The following NAALADL2 variants were observed in gnomAD, a reference collection of about 807,000 sequenced individuals.
The protein encoded by NAALADL2 is N-acetylated alpha-linked acidic dipeptidase like 2.
A neutral mutation model predicts 87.2 loss-of-function variants in NAALADL2; 76 were observed. The ratio of observed to expected loss-of-function variants is 0.87; its 90% CI spans 0.72 to 1.05. The LOEUF is 1.05. NAALADL2 is among the 50% of genes least tolerant of loss of function. The probability of loss-of-function intolerance (pLI) is 0.00; values close to 1 mark genes in which losing one functional copy is unlikely to be tolerated. For missense variants in NAALADL2, 1,089 were observed against 945.8 expected (o/e 1.15, Z -1.99); for synonymous variants, 354 against 331.0 (o/e 1.07, Z -0.75).
At chr3:174,710,309 C>T (rs1217186991) in intron 2 of NAALADL2, among the ~76,000 whole-genome samples, 1 of 147,764 alleles carries the variant, frequency 6.8e-6, no homozygotes, top group African/African-American at 2.5e-5. Flanking sequence ...GGCTGGAATG[C>T]AGTGGCGCGA....
rs562355062 is a variant in NAALADL2, at chr3:174,619,193, A to G, written c.-115+68556A>G. Reference sequence around the variant, plus strand: ...TTCTACTCTCTTGTTACAGATGTTTAGTGAAATTGTGTAAATTTAAAAATC... The same window carrying G: ...TTCTACTCTCTTGTTACAGATGTTTGGTGAAATTGTGTAAATTTAAAAATC... On this transcript the variant is annotated intron_variant, in intron 2 of 3. Coordinates refer to the NAALADL2 transcript ENST00000434257. Among the ~76,000 whole-genome samples the G allele has an allele frequency of 9.2e-5, 14 of 152,096 alleles. No individual in the cohort carries two copies. In the East Asian group the frequency reaches 2.5e-3, roughly 27 times the overall value.
chr3:175,000,984 G>A lies in NAALADL2; in HGVS notation c.44-95806G>A, dbSNP rs190934117. On this transcript the variant is annotated intron_variant, in intron 1 of 13. Coordinates refer to ENST00000454872, the MANE Select transcript of NAALADL2 (RefSeq NM_207015.3). ...TGACCTTTAAAACACTGCGGCATGC[G>A]CAGAAAACTCCAGTCCCATTTATGG... Among the ~76,000 whole-genome samples, 82 of 152,248 alleles carry A rather than the reference G, an allele frequency of 5.4e-4. No individual in the cohort carries two copies. The East Asian group carries it at 8.7e-3, about 16-fold the overall frequency.
chr3:175,237,102 T>A (rs992547777), intron 3 of NAALADL2, among the ~76,000 whole-genome samples: 7 of 152,096 alleles, frequency 4.6e-5, no homozygotes, highest in Non-Finnish European at 1.0e-4. Flanking sequence ...GTAATATTAC[T>A]AATATGTAGA....
intron 12 of NAALADL2, among the ~76,000 whole-genome samples, chr3:175,743,703 G>C (rs1745556883): frequency 6.6e-6 from 1 of 152,180 alleles, no homozygotes; most frequent in African/African-American, 2.4e-5. Context: ...GTCATAGTGA[G>C]ATCGAAGAAT....
chr3:174,907,279 GAAA>G (rs1378159243), intron 1 of NAALADL2, among the ~76,000 whole-genome samples: 3 of 151,654 alleles, frequency 2.0e-5, no homozygotes, highest in African/African-American at 7.3e-5. Context: ...AAAAGAAGAA[GAAA>G]AAAAAGATAC....
chr3:174,463,806 T>C (rs1716358327), intron 1 of NAALADL2, among the ~76,000 whole-genome samples: 2 of 152,212 alleles, frequency 1.3e-5, no homozygotes, highest in Admixed American at 1.3e-4. Flanking sequence ...TTCACCGTGT[T>C]AGCCAGGATG....
intron 3 of NAALADL2, among the ~76,000 whole-genome samples, chr3:174,761,775 A>T (rs1472235584): frequency 3.2e-5 from 3 of 93,116 alleles, no homozygotes; most frequent in Non-Finnish European, 6.4e-5. Context: ...CCACCCCACG[A>T]CAGTCCCTGG....
intron 11 of NAALADL2, among the ~76,000 whole-genome samples, chr3:175,654,512 C>T (rs1309611144): frequency 6.6e-6 from 1 of 152,182 alleles, no homozygotes; most frequent in Non-Finnish European, 1.5e-5. Context: ...ATTGACTTTG[C>T]TTTATCTCAA....
intron 11 of NAALADL2, among the ~76,000 whole-genome samples, chr3:175,730,449 CAT>C (rs1743583424): frequency 4.7e-5 from 6 of 126,518 alleles, no homozygotes; most frequent in African/African-American, 1.1e-4. Context: ...TATATACACA[CAT>C]ACACACGCAC....
intron 1 of NAALADL2, among the ~76,000 whole-genome samples, chr3:175,082,716 A>G (rs1718123669): frequency 6.6e-6 from 1 of 152,224 alleles, no homozygotes; most frequent in Non-Finnish European, 1.5e-5. Context: ...TTCATGCTTT[A>G]GGAGCTATTT....
chr3:175,045,256 T>G (rs1199256254), intron 1 of NAALADL2, among the ~76,000 whole-genome samples: 1 of 152,182 alleles, frequency 6.6e-6, no homozygotes, highest in Non-Finnish European at 1.5e-5. Context: ...CCGTGGACAC[T>G]CCACCCGAAG....
intron 2 of NAALADL2, among the ~76,000 whole-genome samples, chr3:175,208,328 T>G (rs1022596938): frequency 5.3e-5 from 8 of 152,178 alleles, no homozygotes; most frequent in African/African-American, 1.9e-4. Context: ...AAACCTATCT[T>G]GCTTTGCTAG....
chr3:175,638,763 G>GA (rs1418771038), intron 11 of NAALADL2, among the ~76,000 whole-genome samples: 2 of 152,002 alleles, frequency 1.3e-5, no homozygotes, highest in East Asian at 3.9e-4. Flanking sequence ...ACATCATTTG[G>GA]AAAATCTGAA....
At chr3:175,602,014 A>G (rs1031094307) in intron 10 of NAALADL2, among the ~76,000 whole-genome samples, 3 of 152,156 alleles carry the variant, frequency 2.0e-5, no homozygotes, top group African/African-American at 7.2e-5. Flanking sequence ...TGGGCTTTAG[A>G]TAGGTATTAA....
At chr3:175,748,751 G>T (rs1379042621) in intron 12 of NAALADL2, among the ~76,000 whole-genome samples, 3 of 152,040 alleles carry the variant, frequency 2.0e-5, no homozygotes, top group Non-Finnish European at 2.9e-5. Flanking sequence ...TTTAAAACTT[G>T]TTGGAGTAGG....
intron 1 of NAALADL2, among the ~76,000 whole-genome samples, chr3:174,544,567 CTTTTTTT>C (rs10575227): frequency 8.7e-6 from 1 of 115,168 alleles, no homozygotes; most frequent in Non-Finnish European, 1.7e-5. Flanking sequence ...TTTTTGTTTT[CTTTTTTT>C]TTTTTTTTTT....
intron 3 of NAALADL2, among the ~76,000 whole-genome samples, chr3:174,817,935 C>G (rs1365839747): frequency 1.3e-5 from 2 of 152,174 alleles, no homozygotes; most frequent in African/African-American, 2.4e-5. Flanking sequence ...GTAATAAACA[C>G]AGCCCATATA....
intron 2 of NAALADL2, among the ~76,000 whole-genome samples, chr3:174,667,450 T>G (rs615935): frequency 0.64 from 97,228 of 151,756 alleles, 31,798 homozygotes; most frequent in Admixed American, 0.72. Context: ...AGGTCCACAT[T>G]CTAGCTTTTT....
chr3:174,543,724 C>T (rs1466700745), intron 1 of NAALADL2, among the ~76,000 whole-genome samples: 1 of 152,032 alleles, frequency 6.6e-6, no homozygotes, highest in African/African-American at 2.4e-5. Flanking sequence ...GTCACATAGG[C>T]TGGCCAGGTG....
Sources: gnomAD v4.1 joint callset for allele counts (sites outside exome capture counted in the v4.1 genomes callset) on GRCh38, gnomAD v4.1.1 for gene constraint, MANE v1.5 for transcripts, NCBI Gene and HGNC (gene_info 2026-07-23, HGNC 2026-07-21) for gene names.